GTPBP10: variants seen among roughly 807,000 people sequenced by gnomAD.
The protein encoded by GTPBP10 is GTP binding protein 10, also known as GTP-binding protein 10.
GTPBP10 carries 38 observed loss-of-function variants against 44.8 expected under a neutral mutation model. The ratio of observed to expected loss-of-function variants is 0.85; its 90% confidence interval spans 0.65 to 1.11. GTPBP10 has a LOEUF of 1.11. GTPBP10 is among the 50% of genes most tolerant of loss of function. The pLI is 0.00. For missense variants in GTPBP10, 462 were observed against 453.7 expected, an observed-to-expected ratio of 1.02 and a Z score of -0.17; for synonymous variants, 152 against 150.6, an observed-to-expected ratio of 1.01 and a Z score of -0.07.
At chr7:90,368,251 T>C (rs1796176125) in intron 4 of GTPBP10, among the ~76,000 whole-genome samples, 1 of 152,194 alleles carries the variant, frequency 6.6e-6, no homozygotes, top group Non-Finnish European at 1.5e-5. Context: ...ATCTGACAAT[T>C]ATGTGTCTTG....
At chr7:90,382,855 AT>A (rs1471831605) in intron 8 of GTPBP10, 100 bp from the exon 9 acceptor site, 1 of 660,702 alleles carries the variant, frequency 1.5e-6, no homozygotes, top group Non-Finnish European at 2.4e-6. Flanking sequence ...CATTTCGGTG[AT>A]GTGAATGGGT....
intron 8 of GTPBP10, among the ~76,000 whole-genome samples, chr7:90,379,470 T>C (rs758765075): frequency 1.3e-5 from 2 of 152,216 alleles, no homozygotes; most frequent in Non-Finnish European, 2.9e-5. Context: ...TTTAGGCCCC[T>C]ACCTAGCAGT....
At chr7:90,353,939 A>T (rs541609871) in intron 2 of GTPBP10, among the ~76,000 whole-genome samples, 109 of 150,606 alleles carry the variant, frequency 7.2e-4, no homozygotes, top group African/African-American at 2.6e-3. Context: ...TGATCCTCCC[A>T]CCTCTGCCTC....
chr7:90,384,186 C>G (rs551136914), intron 9 of GTPBP10, among the ~76,000 whole-genome samples: 1 of 152,154 alleles, frequency 6.6e-6, no homozygotes, highest in Non-Finnish European at 1.5e-5. Context: ...TCTGGACTTT[C>G]TTCGGGGCTT....
At position 90,385,677 on chromosome 7, in the gene GTPBP10, T is replaced by G. The variant is rs1292448545; in HGVS notation, c.*523T>G. 1 of 152,238 alleles carries G rather than the reference T, an allele frequency of 6.6e-6. No individual in the cohort carries two copies. Among genetic ancestry groups the G allele is most frequent in the Non-Finnish European group, 1.5e-5 (1 of 68,068 alleles). The allele number at this position is 152,238 out of a possible 1,614,324, so 9.4% of individuals were successfully genotyped here. On this transcript the variant is annotated 3_prime_UTR_variant, in exon 10 of 10. Coordinates refer to ENST00000222511, the MANE Select transcript of GTPBP10 (RefSeq NM_033107.4). ...TTTTTCACAGATCTTTTTTTTAGTA[T>G]TATTACCTTCTGATATATGTGTCAT...
chr7:90,355,279 T>A lies in GTPBP10; in HGVS notation c.464+49T>A, dbSNP rs770849045. On this transcript the variant is annotated intron_variant, in intron 4 of 9. Transcript: ENST00000222511. Reference sequence around the variant, plus strand: ...TATTATACTTTCAGAGAGAGAGTTCTTGAATAGAAAATAAATGTAAATGGT... The same window carrying A: ...TATTATACTTTCAGAGAGAGAGTTCATGAATAGAAAATAAATGTAAATGGT... The A allele has an allele frequency of 9.2e-6, 11 of 1,193,928 alleles. No individual in the cohort carries two copies. The South Asian group carries it at 1.3e-4, about 14-fold the overall frequency. The allele number at this position is 1,193,928 out of a possible 1,614,324, so 74.0% of individuals were successfully genotyped here.
At chr7:90,353,131 C>A in intron 2 of GTPBP10, 122 bp downstream of exon 2, 2 of 608,300 alleles carry the variant, frequency 3.3e-6, no homozygotes, top group Non-Finnish European at 5.5e-6. Context: ...TATTTATAAC[C>A]AAGCAAAAGC....
At chr7:90,376,952 G>T (rs906659342) in intron 6 of GTPBP10, among the ~76,000 whole-genome samples, 3 of 152,172 alleles carry the variant, frequency 2.0e-5, no homozygotes, top group Non-Finnish European at 4.4e-5. Context: ...GGATTAGTGT[G>T]GTGGCTCACG....
chr7:90,355,966 C>T (rs1795891009), intron 4 of GTPBP10, among the ~76,000 whole-genome samples: 1 of 151,096 alleles, frequency 6.6e-6, no homozygotes, highest in African/African-American at 2.4e-5. Flanking sequence ...CATCCCCCCT[C>T]CCTCCTATCC....
chr7:90,367,352 T>C (rs1185935299), intron 4 of GTPBP10, among the ~76,000 whole-genome samples: 1 of 152,204 alleles, frequency 6.6e-6, no homozygotes, highest in Non-Finnish European at 1.5e-5. Flanking sequence ...TAACCTTCTG[T>C]CTCGTTGATC....
chr7:90,364,888 A>G (rs1796100728), intron 4 of GTPBP10, among the ~76,000 whole-genome samples: 1 of 152,162 alleles, frequency 6.6e-6, no homozygotes, highest in Non-Finnish European at 1.5e-5. Flanking sequence ...CTGCTGTGCT[A>G]GCAATGAGTG....
At position 90,370,857 on chromosome 7, in the gene GTPBP10, A is replaced by G. The variant is rs1796243484; in HGVS notation, c.465-1298A>G. Among the ~76,000 whole-genome samples, 7 of 152,164 alleles carry G rather than the reference A, an allele frequency of 4.6e-5. No individual in the cohort carries two copies. The South Asian group carries it at 1.5e-3, about 32-fold the overall frequency. On this transcript the variant is annotated intron_variant, in intron 4 of 9. Coordinates refer to ENST00000222511, the MANE Select transcript of GTPBP10 (RefSeq NM_033107.4). ...CATCTCTACTGAAAATACAAAAAAAATTAGCCAGGCATTGTGGCGGGCGCC... is the reference window on the plus strand; with the variant it reads ...CATCTCTACTGAAAATACAAAAAAAGTTAGCCAGGCATTGTGGCGGGCGCC...
rs1311580746 is a variant in GTPBP10 at position 90,372,183 on chromosome 7, C to T, written c.493C>T (p.Leu165=). ...CCCAAATGCTGGAAAATCCTCTTTG[C>T]TAAGTTGTGTTTCTCATGCAAAACC... ...GFPNAGKSSL[L]SCVSHAKPAI... The change falls in exon 5 of 10, where the codon CTA becomes TTA. Residue 165 remains leucine (L), a synonymous_variant. Coordinates refer to ENST00000222511, the MANE Select transcript of GTPBP10 (RefSeq NM_033107.4). 2.5e-6 allele frequency: 4 copies of T among 1,606,438 alleles called. No homozygotes were observed. Among genetic ancestry groups the T allele is most frequent in the Non-Finnish European group, 2.6e-6 (3 of 1,175,782 alleles).
At chr7:90,363,026 G>T (rs1423882165) in intron 4 of GTPBP10, among the ~76,000 whole-genome samples, 5 of 152,042 alleles carry the variant, frequency 3.3e-5, no homozygotes, top group African/African-American at 1.2e-4. Flanking sequence ...GCCTATGTGT[G>T]TCTCTGCATG....
Position 90,378,173 on chromosome 7 carries a change from TA to T in GTPBP10, c.740del (p.Tyr247SerfsTer8). Reference protein sequence around the residue: ...SGFQLSSHTQYRTAFETIILL... With the variant: ...SGFQLSSHTQXRTAFETIILL... The stretch of plus-strand genomic sequence containing the variant: ...ATTTCAGCTTTCTTCTCACACTCAA[TA>T]CAGGACAGCTTTTGAAACCATAATA... On this transcript the variant is annotated frameshift_variant, in exon 8 of 10. Coordinates refer to ENST00000222511, the MANE Select transcript of GTPBP10 (RefSeq NM_033107.4). LOFTEE classifies it high-confidence loss of function. The T allele has an allele frequency of 6.2e-7, 1 of 1,613,244 alleles. No homozygotes were observed. The highest frequency in any genetic ancestry group is 8.5e-7 in the Non-Finnish European group (1 of 1,179,578).
rs750299551 is a variant in GTPBP10 at position 90,391,391 on chromosome 7, AAG to A, written c.*6241_*6242del. 4 of 152,198 alleles carry A rather than the reference AAG, an allele frequency of 2.6e-5. No homozygotes were observed. The highest frequency in any genetic ancestry group is 4.4e-5 in the Non-Finnish European group (3 of 68,028). 9.4% of individuals were successfully genotyped at this position (152,198 alleles called of 1,614,324 possible). ...ATAAAGTTCATAAATTAGGCACAGTAAGAGATTAAAAATATTAAATTGGGCCA... is the reference window on the plus strand; with the variant it reads ...ATAAAGTTCATAAATTAGGCACAGTAAGATTAAAAATATTAAATTGGGCCA... On this transcript the variant is annotated 3_prime_UTR_variant, in exon 10 of 10. Coordinates refer to ENST00000222511, the MANE Select transcript of GTPBP10 (RefSeq NM_033107.4).
chr7:90,373,815 T>C (rs1796300949), intron 5 of GTPBP10, among the ~76,000 whole-genome samples: 1 of 152,144 alleles, frequency 6.6e-6, no homozygotes, highest in Non-Finnish European at 1.5e-5. Flanking sequence ...ATTATAAAAA[T>C]CTGTGTTTGT....
At chr7:90,359,183 G>A (rs1795964780) in intron 4 of GTPBP10, among the ~76,000 whole-genome samples, 1 of 151,476 alleles carries the variant, frequency 6.6e-6, no homozygotes, top group South Asian at 2.1e-4. Flanking sequence ...AAGTTCTAGG[G>A]TATGCACAAC....
chr7:90,370,348 G>A lies in GTPBP10; in HGVS notation c.465-1807G>A, dbSNP rs532044169. Among the ~76,000 whole-genome samples the A allele has an allele frequency of 2.0e-5, 3 of 151,984 alleles. No individual in the cohort carries two copies. The South Asian group carries it at 6.2e-4, about 32-fold the overall frequency. On this transcript the variant is annotated intron_variant, in intron 4 of 9. Transcript: ENST00000222511. ...TGAAGAAAATTGAGTGTGTGTGTGT[G>A]TGTGTGTGTGTATCTATATATACAC...
Sources: allele counts gnomAD v4.1 joint callset (sites outside exome capture counted in the v4.1 genomes callset), GRCh38; gene constraint gnomAD v4.1.1; transcripts MANE v1.5; gene names NCBI Gene and HGNC (gene_info 2026-07-23, HGNC 2026-07-21).